Variants in SUMF1 observed in about 807,000 individuals in gnomAD.
The protein encoded by SUMF1 is sulfatase modifying factor 1, also known as formylglycine-generating enzyme.
SUMF1 carries 48 observed loss-of-function variants against 47.6 expected under a neutral mutation model. The ratio of observed to expected loss-of-function variants is 1.01; its 90% CI spans 0.80 to 1.28. The LOEUF (loss-of-function observed/expected upper bound fraction) is 1.28, where lower values mean the gene tolerates loss of function less well. Among genes scored for constraint, SUMF1 ranks in the 50% most tolerant of loss-of-function variants. SUMF1 has a pLI of 0.00. For missense variants in SUMF1, 571 were observed against 485.4 expected, an observed-to-expected ratio of 1.18 and a Z score of -1.66; for synonymous variants, 230 against 192.1, an observed-to-expected ratio of 1.20 and a Z score of -1.63.
Position 4,038,660 on chromosome 3 carries a change from T to C in SUMF1, c.1191+29909A>G, listed in dbSNP as rs35785889. ...GACTAGTCTACTCTCCATATGGTGATAGTGGCATGCTGTAAGCTCAGGTGT... is the reference window on the plus strand; with the variant it reads ...GACTAGTCTACTCTCCATATGGTGACAGTGGCATGCTGTAAGCTCAGGTGT... On this transcript the variant is annotated intron_variant and NMD_transcript_variant, in intron 9 of 12. Transcript: ENST00000448413. 4.3e-3 allele frequency among the ~76,000 whole-genome samples: 661 copies of C among 152,196 alleles called. 6 individuals carry two copies. Among genetic ancestry groups the C allele is most frequent in the Non-Finnish European group, 3.9e-3 (264 of 68,002 alleles).
chr3:4,216,160 C>CA (rs1221929331), intron 8 of SUMF1, among the ~76,000 whole-genome samples: 1 of 152,110 alleles, frequency 6.6e-6, no homozygotes, highest in Non-Finnish European at 1.5e-5. Context: ...GCTACAGTAA[C>CA]AAAAACAGCA....
intron 8 of SUMF1, among the ~76,000 whole-genome samples, chr3:4,227,417 T>A (rs910312567): frequency 6.6e-6 from 1 of 152,070 alleles, no homozygotes; most frequent in African/African-American, 2.4e-5. Flanking sequence ...AAATAACTGC[T>A]TCTACAACAG....
chr3:4,384,680 T>A (rs900948491), intron 7 of SUMF1, among the ~76,000 whole-genome samples: 13 of 152,296 alleles, frequency 8.5e-5, no homozygotes, highest in African/African-American at 3.1e-4. Context: ...CTTATTACTA[T>A]TGAGTAGTAT....
At chr3:4,455,324 T>G in intron 1 of SUMF1, among the ~76,000 whole-genome samples, 1 of 151,878 alleles carries the variant, frequency 6.6e-6, no homozygotes, top group East Asian at 1.9e-4. Flanking sequence ...TTGAAAAAAA[T>G]GAATAAATTC....
At chr3:4,151,663 G>C (rs1164186321) in intron 8 of SUMF1, among the ~76,000 whole-genome samples, 1 of 148,028 alleles carries the variant, frequency 6.8e-6, no homozygotes, top group East Asian at 2.0e-4. Context: ...GAATTGATTT[G>C]GGCCACACAC....
At chr3:4,351,377 CT>C (rs1240243837) in intron 8 of SUMF1, among the ~76,000 whole-genome samples, 2 of 152,280 alleles carry the variant, frequency 1.3e-5, no homozygotes, top group East Asian at 3.9e-4. Flanking sequence ...AAACTTTAGC[CT>C]CGTTTTACAA....
intron 8 of SUMF1, among the ~76,000 whole-genome samples, chr3:4,090,468 G>A (rs746934003): frequency 1.3e-5 from 2 of 152,110 alleles, no homozygotes; most frequent in Non-Finnish European, 2.9e-5. Context: ...ACCCTGAGCT[G>A]CTGGGATAGG....
chr3:4,396,849 A>G (rs1037814995), intron 7 of SUMF1, among the ~76,000 whole-genome samples: 3 of 152,236 alleles, frequency 2.0e-5, no homozygotes, highest in African/African-American at 7.2e-5. Flanking sequence ...ATATAACAGT[A>G]GATACATATG....
At chr3:4,364,960 T>G (rs1242464510) in intron 8 of SUMF1, among the ~76,000 whole-genome samples, 1 of 152,136 alleles carries the variant, frequency 6.6e-6, no homozygotes, top group South Asian at 2.1e-4. Flanking sequence ...ACATCTTTAT[T>G]TCTGCCTTCA....
At chr3:4,140,772 G>T (rs11129897) in intron 8 of SUMF1, among the ~76,000 whole-genome samples, 9,138 of 151,866 alleles carry the variant, frequency 0.06, 585 homozygotes, top group African/African-American at 0.16. Context: ...AATAGTATAG[G>T]TTATCCTCAA....
intron 9 of SUMF1, among the ~76,000 whole-genome samples, chr3:4,039,855 TA>T (rs1324578746): frequency 6.6e-6 from 1 of 151,962 alleles, no homozygotes; most frequent in East Asian, 1.9e-4. Flanking sequence ...ACCTAGTTTC[TA>T]CAAAAAAAAT....
rs115376966 is a variant in SUMF1 at position 4,361,934 on chromosome 3, G to A, written c.*210C>T. 1,452 of 572,880 alleles carry A rather than the reference G, an allele frequency of 2.5e-3. 20 individuals are homozygous for A. The highest frequency in any genetic ancestry group is 0.024 in the African/African-American group (1,301 of 53,336). 35.5% of individuals were successfully genotyped at this position (572,880 alleles called of 1,614,324 possible). A position where few individuals can be genotyped will look rare whatever the true frequency, so the allele number is the denominator to read the frequency against. On this transcript the variant is annotated 3_prime_UTR_variant, in exon 9 of 9. Transcript: ENST00000272902. ...ACTCTCAAAAGTAAAATATGGTGAT[G>A]ATCTCCAAAGATGCACCACACCATA... is the stretch of plus-strand genomic sequence containing the variant.
intron 8 of SUMF1, among the ~76,000 whole-genome samples, chr3:4,365,311 T>C (rs1699915353): frequency 8.2e-6 from 1 of 122,058 alleles, no homozygotes; most frequent in South Asian, 2.4e-4. Flanking sequence ...ATGTTGACAG[T>C]GGGGTGTTAA....
chr3:4,414,614 A>T (rs1188242878), intron 6 of SUMF1: 1 of 152,204 alleles, frequency 6.6e-6, no homozygotes, highest in Non-Finnish European at 1.5e-5. Flanking sequence ...TGGTTCCTTT[A>T]GGACTCCCAG....
At chr3:4,104,499 C>T (rs960972010) in intron 8 of SUMF1, among the ~76,000 whole-genome samples, 1 of 152,064 alleles carries the variant, frequency 6.6e-6, no homozygotes, top group Non-Finnish European at 1.5e-5. Flanking sequence ...TGCATCTGCT[C>T]TTTAGCTTCC....
chr3:4,364,208 G>A (rs1215853291), intron 8 of SUMF1, among the ~76,000 whole-genome samples: 2 of 131,714 alleles, frequency 1.5e-5, no homozygotes, highest in South Asian at 2.6e-4. Flanking sequence ...GTCTCTGCCC[G>A]GCTTTGGTAT....
At chr3:4,162,001 A>T (rs1280381724) in intron 8 of SUMF1, among the ~76,000 whole-genome samples, 1 of 152,118 alleles carries the variant, frequency 6.6e-6, no homozygotes, top group Non-Finnish European at 1.5e-5. Context: ...TCAGGGCCCA[A>T]GGGCTCTTTA....
chr3:4,089,618 G>T (rs1378280604), intron 8 of SUMF1, among the ~76,000 whole-genome samples: 2 of 152,022 alleles, frequency 1.3e-5, no homozygotes, highest in African/African-American at 4.8e-5. Flanking sequence ...AAACTAAATT[G>T]CAGAACAAGG....
chr3:4,153,162 T>A (rs1574932017), intron 8 of SUMF1, among the ~76,000 whole-genome samples: 1 of 151,660 alleles, frequency 6.6e-6, no homozygotes, highest in South Asian at 2.1e-4. Flanking sequence ...TACAATAAAA[T>A]TTTTAAAAAA....
Sources: gnomAD v4.1 joint callset for allele counts (sites outside exome capture counted in the v4.1 genomes callset) on GRCh38, gnomAD v4.1.1 for gene constraint, MANE v1.5 for transcripts, NCBI Gene and HGNC (gene_info 2026-07-23, HGNC 2026-07-21) for gene names.